TMEM131: variants seen among roughly 807,000 people sequenced by gnomAD.
TMEM131 encodes transmembrane protein 131.
In TMEM131, 66 loss-of-function variants were observed where a neutral mutation model predicts 211.6. The observed-to-expected ratio is 0.31, with a 90% CI of 0.26 to 0.38. The LOEUF is 0.38. Ranked by LOEUF, TMEM131 falls within the 10% of genes least tolerant of loss-of-function variation. TMEM131 has a pLI of 1.00. For synonymous variants in TMEM131, 844 were observed against 841.3 expected (o/e 1.00, Z -0.06); for missense variants, 2,036 against 2,299.3 (o/e 0.89, Z 2.34).
At chr2:97,815,096 A>G in intron 13 of TMEM131, 103 bp downstream of exon 13, 1 of 549,940 alleles carries the variant, frequency 1.8e-6, no homozygotes, top group African/African-American at 2.0e-5. Context: ...AATTCCATCA[A>G]GTTTATGTGA....
chr2:97,767,171 T>A (rs1679210329), intron 33 of TMEM131, among the ~76,000 whole-genome samples: 1 of 152,244 alleles, frequency 6.6e-6, no homozygotes, highest in South Asian at 2.1e-4. Flanking sequence ...ATTCTTGAAC[T>A]CAGGGTTAAT....
At chr2:97,985,839 G>T (rs112660734) in intron 1 of TMEM131, among the ~76,000 whole-genome samples, 1 of 151,828 alleles carries the variant, frequency 6.6e-6, no homozygotes, top group African/African-American at 2.4e-5. Flanking sequence ...TGATGCCAAC[G>T]GACTGAAGAA....
intron 12 of TMEM131, 38 bp from the exon 13 acceptor site, chr2:97,815,345 T>C (rs570757990): frequency 1.6e-5 from 21 of 1,313,882 alleles, no homozygotes; most frequent in Non-Finnish European, 1.9e-5. Flanking sequence ...TGTTACCTTT[T>C]ACTACCAAAG....
At chr2:97,842,168 G>A (rs1188288286) in intron 6 of TMEM131, among the ~76,000 whole-genome samples, 1 of 152,092 alleles carries the variant, frequency 6.6e-6, no homozygotes, top group Non-Finnish European at 1.5e-5. Flanking sequence ...ATTAGAAATT[G>A]AATAACAGTC....
At chr2:97,902,363 T>C (rs1335977689) in intron 3 of TMEM131, among the ~76,000 whole-genome samples, 2 of 152,180 alleles carry the variant, frequency 1.3e-5, no homozygotes, top group East Asian at 1.9e-4. Flanking sequence ...TATTCTAGGA[T>C]TGAACAAATC....
At chr2:97,848,967 G>C (rs1051057156) in intron 5 of TMEM131, among the ~76,000 whole-genome samples, 2 of 152,062 alleles carry the variant, frequency 1.3e-5, no homozygotes, top group African/African-American at 4.8e-5. Context: ...AACTCAATGA[G>C]AAAACAAACA....
rs1286293223 is a variant in TMEM131 at position 97,841,903 on chromosome 2, A to G, written c.635T>C (p.Leu212Ser). Reference protein sequence around the residue: ...FGVGVPNPYRLRPFLGARVPV... With the variant: ...FGVGVPNPYRSRPFLGARVPV... ...GACTCTGGCCCCAAGGAACGGCCTC[A>G]ATCGATATGGATTTGGAACTCCAAC... The change falls in exon 7 of 41, where the codon TTG becomes TCG. Residue 212 changes from leucine (L) to serine (S), a missense_variant. This residue lies in a region of TMEM131 where 277 missense variants were observed against 378.0 expected (regional missense o/e 0.73). Coordinates refer to ENST00000186436, the MANE Select transcript of TMEM131 (RefSeq NM_015348.2). 6.3e-7 allele frequency: 1 copy of G among 1,591,158 alleles called. No homozygotes were observed. Among genetic ancestry groups the G allele is most frequent in the Non-Finnish European group, 8.6e-7 (1 of 1,167,532 alleles).
In TMEM131 at chr2:97,792,458, A is replaced by G; in HGVS notation, c.4072T>C (p.Phe1358Leu). ...TSLIEAMDKDFDHHDSPALEV... is the reference protein window; with the variant it reads ...TSLIEAMDKDLDHHDSPALEV... ...AGGGCTGGGGAGTCATGGTGGTCGAAGTCTTTGTCCATGGCTTCTATGAGA... is the reference window on the plus strand; with the variant it reads ...AGGGCTGGGGAGTCATGGTGGTCGAGGTCTTTGTCCATGGCTTCTATGAGA... The change falls in exon 31 of 41, where the codon TTC (phenylalanine) becomes CTC (leucine). Residue 1358 changes from phenylalanine to leucine, a missense_variant. This residue lies in a region of TMEM131 where 1,623 missense variants were observed against 1,805.9 expected (regional missense o/e 0.90). Coordinates refer to ENST00000186436, the MANE Select transcript of TMEM131 (RefSeq NM_015348.2). 2 of 1,613,326 alleles carry G rather than the reference A, an allele frequency of 1.2e-6. No homozygotes were observed. Among genetic ancestry groups the G allele is most frequent in the Non-Finnish European group, 1.7e-6 (2 of 1,179,622 alleles).
intron 31 of TMEM131, among the ~76,000 whole-genome samples, chr2:97,782,455 C>T (rs1278954204): frequency 6.6e-6 from 1 of 152,196 alleles, no homozygotes; most frequent in Admixed American, 6.5e-5. Context: ...TCTACAGCCA[C>T]TCTTCATACC....
At chr2:97,952,520 A>G (rs1678372160) in intron 1 of TMEM131, among the ~76,000 whole-genome samples, 2 of 152,186 alleles carry the variant, frequency 1.3e-5, no homozygotes, top group Non-Finnish European at 1.5e-5. Flanking sequence ...TGAAACCATG[A>G]AAGTGCAAAA....
intron 31 of TMEM131, among the ~76,000 whole-genome samples, chr2:97,780,062 AAAAAAC>A (rs928094520): frequency 5.3e-5 from 8 of 152,180 alleles, no homozygotes; most frequent in Admixed American, 2.0e-4. Context: ...AACAAACAAA[AAAAAAC>A]AAAAACAAAA....
chr2:97,994,102 T>A (rs1194780442), intron 1 of TMEM131, among the ~76,000 whole-genome samples: 1 of 152,148 alleles, frequency 6.6e-6, no homozygotes, highest in Non-Finnish European at 1.5e-5. Flanking sequence ...AAATGTCCAT[T>A]AAATTACTGC....
chr2:97,766,535 G>A lies in TMEM131; in HGVS notation c.4516C>T (p.Pro1506Ser), dbSNP rs1679176321. Reference protein sequence around the residue: ...KQRRNLPSKIPLPTAMTSGSK... With the variant: ...KQRRNLPSKISLPTAMTSGSK... ...CCACTTGTCATTGCAGTTGGAAGAG[G>A]AATCTTGCTTGGGAGATTTCTACGT... Residue 1506 changes from proline to serine, a missense_variant, in exon 34 of 41, where the codon CCT (proline) becomes TCT (serine). This residue lies in a region of TMEM131 where 1,623 missense variants were observed against 1,805.9 expected (regional missense o/e 0.90). Transcript: ENST00000186436. 1 of 1,613,998 alleles carries A rather than the reference G, an allele frequency of 6.2e-7. No individual in the cohort carries two copies. Among genetic ancestry groups the A allele is most frequent in the South Asian group, 1.1e-5 (1 of 91,084 alleles).
At chr2:97,900,611 A>G (rs1046002973) in intron 3 of TMEM131, among the ~76,000 whole-genome samples, 2 of 152,072 alleles carry the variant, frequency 1.3e-5, no homozygotes, top group Non-Finnish European at 2.9e-5. Flanking sequence ...CCACGTGTCC[A>G]CTGATGAACA....
chr2:97,802,436 T>C lies in TMEM131; in HGVS notation c.2643A>G (p.Leu881=). 1 of 1,601,650 alleles carries C rather than the reference T, an allele frequency of 6.2e-7. No homozygotes were observed. The highest frequency in any genetic ancestry group is 8.5e-7 in the Non-Finnish European group (1 of 1,174,232). ...YSNPSVFVDK[L]VSRFNLSKVA... ...TCCCAAGCAATACTTACCTTGATACTAACTTATCTACAAACACTGAAGGGT... is the reference window on the plus strand; with the variant it reads ...TCCCAAGCAATACTTACCTTGATACCAACTTATCTACAAACACTGAAGGGT... The change falls in exon 24 of 41, where the codon TTA becomes TTG. Residue 881 remains leucine (L), a synonymous_variant. Coordinates refer to ENST00000186436, the MANE Select transcript of TMEM131 (RefSeq NM_015348.2).
At chr2:97,926,055 T>C (rs1399308741) in intron 2 of TMEM131, among the ~76,000 whole-genome samples, 1 of 149,928 alleles carries the variant, frequency 6.7e-6, no homozygotes, top group Non-Finnish European at 1.5e-5. Context: ...GAGCTTGTGG[T>C]GAGCCGAGAT....
At chr2:97,977,555 T>C (rs1388614305) in intron 1 of TMEM131, among the ~76,000 whole-genome samples, 1 of 152,238 alleles carries the variant, frequency 6.6e-6, no homozygotes, top group African/African-American at 2.4e-5. Context: ...GTTTTCTTGA[T>C]TTCCCAGTGC....
chr2:97,975,175 ATCAAAAACCTCAGT>A (rs1679476731), intron 1 of TMEM131, among the ~76,000 whole-genome samples: 1 of 152,168 alleles, frequency 6.6e-6, no homozygotes, highest in Non-Finnish European at 1.5e-5. Flanking sequence ...AAGACCTCAA[ATCAAAAACCTCAGT>A]ATCCACCTTA....
chr2:97,813,942 T>A (rs748313972), intron 15 of TMEM131, 29 bp downstream of exon 15: 1 of 1,520,452 alleles, frequency 6.6e-7, no homozygotes, highest in Non-Finnish European at 8.9e-7. Flanking sequence ...GCAGGGAGTT[T>A]AAATGTTAAA....
Sources: gnomAD v4.1 joint callset for allele counts (sites outside exome capture counted in the v4.1 genomes callset) on GRCh38, gnomAD v4.1.1 for gene constraint, gnomAD v4.1.1 regional missense constraint, MANE v1.5 for transcripts, NCBI Gene and HGNC (gene_info 2026-07-23, HGNC 2026-07-21) for gene names.